The following SYT2 variants were observed in gnomAD, a reference collection of about 807,000 sequenced individuals.
SYT2 encodes synaptotagmin-2.
A neutral mutation model predicts 39.9 loss-of-function variants in SYT2; 15 were observed. That is an observed-to-expected ratio of 0.38 (90% CI 0.25 to 0.58). The LOEUF (loss-of-function observed/expected upper bound fraction) is 0.58, where lower values mean the gene tolerates loss of function less well. Ranked by LOEUF, SYT2 falls within the 20% of genes least tolerant of loss-of-function variation. The pLI, the probability that SYT2 is intolerant of heterozygous loss-of-function variation, is 0.70. For missense variants in SYT2, 389 were observed against 530.3 expected, an observed-to-expected ratio of 0.73 and a Z score of 2.62; for synonymous variants, 181 against 204.5, an observed-to-expected ratio of 0.89 and a Z score of 0.98.
intron 1 of SYT2, among the ~76,000 whole-genome samples, chr1:202,615,175 C>T (rs972184945): frequency 2.0e-5 from 3 of 152,112 alleles, no homozygotes; most frequent in African/African-American, 7.2e-5. Context: ...GTGGGGAGTC[C>T]ATGAAGCAGC....
At chr1:202,610,977 A>G (rs980668949) in intron 1 of SYT2, among the ~76,000 whole-genome samples, 14 of 152,208 alleles carry the variant, frequency 9.2e-5, no homozygotes, top group Admixed American at 5.2e-4. Flanking sequence ...AAACTACTTT[A>G]AAGTTCATAT....
intron 1 of SYT2, among the ~76,000 whole-genome samples, chr1:202,662,690 T>C (rs1271835882): frequency 6.6e-6 from 1 of 152,236 alleles, no homozygotes; most frequent in African/African-American, 2.4e-5. Context: ...TGGTTGCAGG[T>C]ACAGGCTTTG....
intron 1 of SYT2, among the ~76,000 whole-genome samples, chr1:202,705,864 T>TA (rs1180540998): frequency 6.6e-6 from 1 of 152,096 alleles, no homozygotes; most frequent in Non-Finnish European, 1.5e-5. Context: ...AGCTAATTTT[T>TA]AAATTTTTTG....
chr1:202,592,396 G>GC lies in SYT2; in HGVS notation c.*4360dup, dbSNP rs1307053864. ...ATGGGGGGTTTCCCGATGGGAGGAG[G>GC]CAGGGGTGGGGCTGGGGAACAAAGA... On this transcript the variant is annotated 3_prime_UTR_variant, in exon 9 of 9. Transcript: ENST00000367268. The GC allele has an allele frequency of 1.3e-5, 2 of 152,674 alleles. No homozygotes were observed. The highest frequency in any genetic ancestry group is 2.9e-5 in the Non-Finnish European group (2 of 68,068). 9.5% of individuals were successfully genotyped at this position (152,674 alleles called of 1,614,324 possible).
chr1:202,646,129 G>A (rs1692076895), intron 1 of SYT2, among the ~76,000 whole-genome samples: 2 of 152,140 alleles, frequency 1.3e-5, no homozygotes, highest in South Asian at 4.1e-4. Context: ...CTCCTCCCCA[G>A]GTGCTCCTTA....
chr1:202,636,493 T>A (rs1195349253), intron 1 of SYT2: 3 of 751,046 alleles, frequency 4.0e-6, no homozygotes, highest in Non-Finnish European at 4.9e-6. Context: ...AAGACAGGCA[T>A]CCCTCTCCAC....
chr1:202,611,274 C>G (rs1165208961), intron 1 of SYT2, among the ~76,000 whole-genome samples: 1 of 152,100 alleles, frequency 6.6e-6, no homozygotes, highest in Non-Finnish European at 1.5e-5. Context: ...TTCTGCATAC[C>G]AGTTCCTTTT....
At position 202,637,543 on chromosome 1, in the gene SYT2, C is replaced by A. The variant is rs189519432; in HGVS notation, c.-17-31754G>T. ...CTGCAATCTGTCTCTGAGCAGCCGGCTGCCCTCAAGTCCCAGCCCAGCCGA... is the reference window on the plus strand; with the variant it reads ...CTGCAATCTGTCTCTGAGCAGCCGGATGCCCTCAAGTCCCAGCCCAGCCGA... On this transcript the variant is annotated intron_variant, in intron 1 of 8. Transcript: ENST00000367268. Among the ~76,000 whole-genome samples the A allele has an allele frequency of 8.5e-5, 13 of 152,370 alleles. No individual in the cohort carries two copies. The East Asian group carries it at 2.5e-3, about 29-fold the overall frequency.
rs35731590 is a variant in SYT2 at position 202,614,844 on chromosome 1, G to A, written c.-17-9055C>T. Among the ~76,000 whole-genome samples, 2,437 of 152,304 alleles carry A rather than the reference G, an allele frequency of 0.016. 34 individuals are homozygous for A. Among genetic ancestry groups the A allele is most frequent in the Non-Finnish European group, 0.026 (1,793 of 68,018 alleles). On this transcript the variant is annotated intron_variant, in intron 1 of 8. Coordinates refer to ENST00000367268, the MANE Select transcript of SYT2 (RefSeq NM_177402.5). The surrounding 1 kb of genome is among the most constrained non-coding windows in gnomAD (Gnocchi z 4.0). Reference sequence around the variant, plus strand: ...GAGTGGATGGATCACGGTTCAGGGTGAGGCTGGCAGGCCGGGCAGGGCAGG... The same window carrying A: ...GAGTGGATGGATCACGGTTCAGGGTAAGGCTGGCAGGCCGGGCAGGGCAGG...
At chr1:202,673,197 C>T (rs186636953) in intron 1 of SYT2, among the ~76,000 whole-genome samples, 22 of 149,974 alleles carry the variant, frequency 1.5e-4, no homozygotes, top group Admixed American at 8.6e-4. Context: ...GTTTACTGAA[C>T]ATTTTAATAA....
At chr1:202,697,745 TA>T (rs1654010397) in intron 1 of SYT2, among the ~76,000 whole-genome samples, 1 of 152,232 alleles carries the variant, frequency 6.6e-6, no homozygotes, top group Admixed American at 6.5e-5. Flanking sequence ...TTGATTGTAA[TA>T]ATCACCATAT....
chr1:202,674,574 G>A (rs1653297646), intron 1 of SYT2, among the ~76,000 whole-genome samples: 1 of 152,164 alleles, frequency 6.6e-6, no homozygotes, highest in African/African-American at 2.4e-5. Context: ...GAGATTATGT[G>A]TGTTCAATCA....
At chr1:202,632,060 G>T in intron 1 of SYT2, 2 of 985,428 alleles carry the variant, frequency 2.0e-6, no homozygotes, top group Middle Eastern at 1.0e-3. Context: ...CTGCAGGAAG[G>T]GGCTGAGGTG....
intron 1 of SYT2, among the ~76,000 whole-genome samples, chr1:202,678,901 C>A (rs188398117): frequency 6.7e-6 from 1 of 149,600 alleles, no homozygotes; most frequent in African/African-American, 2.6e-5. Flanking sequence ...ACTGACCCAA[C>A]GCCCTACATT....
At chr1:202,638,387 A>G (rs1691804147) in intron 1 of SYT2, among the ~76,000 whole-genome samples, 1 of 152,212 alleles carries the variant, frequency 6.6e-6, no homozygotes, top group Admixed American at 6.5e-5. Flanking sequence ...CTTTTTCCAC[A>G]TCTTTCCCTA....
intron 8 of SYT2, 56 bp from the exon 9 acceptor site, chr1:202,597,019 A>G (rs1003439203): frequency 1.3e-6 from 2 of 1,495,134 alleles, no homozygotes; most frequent in African/African-American, 2.8e-5. Flanking sequence ...TCCCATGACC[A>G]AATTTATCCT....
intron 1 of SYT2, among the ~76,000 whole-genome samples, chr1:202,641,020 C>T (rs1032721960): frequency 6.6e-6 from 1 of 152,166 alleles, no homozygotes; most frequent in Non-Finnish European, 1.5e-5. Context: ...CAGTACTGGA[C>T]CAAGTATTTA....
intron 1 of SYT2, among the ~76,000 whole-genome samples, chr1:202,660,630 A>G (rs12121723): frequency 1.3e-5 from 2 of 152,000 alleles, no homozygotes; most frequent in Non-Finnish European, 2.9e-5. Flanking sequence ...TTATTTTTTT[A>G]TTTTTAAACA....
intron 1 of SYT2, among the ~76,000 whole-genome samples, chr1:202,651,188 T>C (rs1398781693): frequency 6.6e-6 from 1 of 151,670 alleles, no homozygotes; most frequent in Non-Finnish European, 1.5e-5. Flanking sequence ...GGAGGAGCCA[T>C]GGGAGTGGGA....
Sources: gnomAD v4.1 joint callset for allele counts (sites outside exome capture counted in the v4.1 genomes callset) on GRCh38, gnomAD v4.1.1 for gene constraint, Gnocchi (gnomAD v3.1) non-coding constraint, MANE v1.5 for transcripts, NCBI Gene and HGNC (gene_info 2026-07-23, HGNC 2026-07-21) for gene names.